ENTPD3: variants seen among roughly 807,000 people sequenced by gnomAD.
ENTPD3 encodes the protein CD39 antigen-like 3.
ENTPD3 carries 60 observed loss-of-function variants against 51.2 expected under a neutral mutation model. The observed-to-expected ratio is 1.17, with a 90% CI of 0.95 to 1.45. The LOEUF is 1.45. Ranked by LOEUF, ENTPD3 falls within the 40% of genes most tolerant of loss-of-function variation. The pLI is 0.00. For synonymous variants in ENTPD3, 221 were observed against 238.4 expected, an observed-to-expected ratio of 0.93 and a Z score of 0.67; for missense variants, 593 against 641.1, an observed-to-expected ratio of 0.93 and a Z score of 0.81.
At chr3:40,419,683 T>A (rs1026636846) in intron 7 of ENTPD3, among the ~76,000 whole-genome samples, 2 of 152,226 alleles carry the variant, frequency 1.3e-5, no homozygotes, top group African/African-American at 4.8e-5. Context: ...TATCCTTCAA[T>A]AAAATGTATA....
intron 3 of ENTPD3, chr3:40,392,353 T>C: frequency 1.7e-6 from 1 of 594,874 alleles, no homozygotes; most frequent in Admixed American, 3.1e-5. Flanking sequence ...TTGAGGGTAG[T>C]GACTGACACC....
At chr3:40,402,734 T>A (rs929350866) in intron 4 of ENTPD3, among the ~76,000 whole-genome samples, 2 of 152,172 alleles carry the variant, frequency 1.3e-5, no homozygotes, top group Non-Finnish European at 2.9e-5. Flanking sequence ...AATACAACCA[T>A]CAATATTCCT....
Position 40,427,577 on chromosome 3 carries a change from G to A in ENTPD3, c.*69G>A. ...GCCTGGGTGGCACCAGGCAATGCAG[G>A]TGAAGTGGCTGCCTTCAGGAAATAC... On this transcript the variant is annotated 3_prime_UTR_variant, in exon 11 of 11. Coordinates refer to ENST00000301825, the MANE Select transcript of ENTPD3 (RefSeq NM_001248.4). The A allele has an allele frequency of 8.5e-7, 1 of 1,172,076 alleles. No homozygotes were observed. Among genetic ancestry groups the A allele is most frequent in the African/African-American group, 1.5e-5 (1 of 66,304 alleles). The allele number at this position is 1,172,076 out of a possible 1,614,324, so 72.6% of individuals were successfully genotyped here.
intron 7 of ENTPD3, among the ~76,000 whole-genome samples, chr3:40,422,577 A>G (rs1054166965): frequency 7.6e-6 from 1 of 132,286 alleles, no homozygotes; most frequent in Admixed American, 9.9e-5. Context: ...CTCATTGTTC[A>G]ATTCCCATCT....
At chr3:40,426,107 CTTTTT>C (rs35267876) in intron 10 of ENTPD3, among the ~76,000 whole-genome samples, 1 of 112,450 alleles carries the variant, frequency 8.9e-6, no homozygotes, top group Non-Finnish European at 1.8e-5. Flanking sequence ...TTTTTCTTTT[CTTTTT>C]TTTTTTTTTT....
At chr3:40,406,881 T>C (rs990952517) in intron 4 of ENTPD3, among the ~76,000 whole-genome samples, 6 of 152,158 alleles carry the variant, frequency 3.9e-5, no homozygotes, top group African/African-American at 1.4e-4. Flanking sequence ...AAGAATTATC[T>C]ACCCCAAAAT....
chr3:40,415,962 C>T lies in ENTPD3; in HGVS notation c.720C>T (p.Ser240=), dbSNP rs773650580. 10 of 1,613,990 alleles carry T rather than the reference C, an allele frequency of 6.2e-6. No homozygotes were observed. In the South Asian group the frequency reaches 8.8e-5, roughly 14 times the overall value. Residue 240 remains serine (S), a synonymous_variant, in exon 7 of 11, where the codon AGC becomes AGT. Coordinates refer to ENST00000301825, the MANE Select transcript of ENTPD3 (RefSeq NM_001248.4). ...GAGAGAAGATGGATCTGAACACCAG[C>T]GACATCATGCAGGTGTCCCTGTATG... ...VAGEKMDLNT[S]DIMQVSLYGY...
intron 2 of ENTPD3, among the ~76,000 whole-genome samples, chr3:40,389,331 G>GT (rs1173175924): frequency 6.6e-6 from 1 of 151,510 alleles, no homozygotes; most frequent in African/African-American, 2.5e-5. Flanking sequence ...ACTGGTTCCT[G>GT]TACTTTTATT....
intron 7 of ENTPD3, among the ~76,000 whole-genome samples, chr3:40,421,333 G>T (rs1358841977): frequency 2.6e-5 from 4 of 152,088 alleles, no homozygotes; most frequent in African/African-American, 9.7e-5. Flanking sequence ...CAAAAGAAAA[G>T]ATTTTACTGT....
chr3:40,425,777 ACTCC>A (rs2125613744), intron 10 of ENTPD3, among the ~76,000 whole-genome samples: 1 of 151,426 alleles, frequency 6.6e-6, no homozygotes, highest in South Asian at 2.1e-4. Context: ...ATGTGCCTGT[ACTCC>A]CAGCCACTCA....
Position 40,427,586 on chromosome 3 carries a change from C to A in ENTPD3, c.*78C>A, listed in dbSNP as rs1486832364. 1 of 1,091,302 alleles carries A rather than the reference C, an allele frequency of 9.2e-7. No homozygotes were observed. The highest frequency in any genetic ancestry group is 1.4e-6 in the Non-Finnish European group (1 of 718,296). The allele number at this position is 1,091,302 out of a possible 1,614,324, so 67.6% of individuals were successfully genotyped here. On this transcript the variant is annotated 3_prime_UTR_variant, in exon 11 of 11. Transcript: ENST00000301825. ...GCACCAGGCAATGCAGGTGAAGTGG[C>A]TGCCTTCAGGAAATACAACTAACTA...
At chr3:40,414,655 A>G (rs1164290248) in intron 5 of ENTPD3, 26 bp from the exon 6 acceptor site, 1 of 1,612,422 alleles carries the variant, frequency 6.2e-7, no homozygotes, top group East Asian at 2.2e-5. Flanking sequence ...GGGCACTCAG[A>G]CTTGTTTGTT....
chr3:40,410,759 TAATA>T (rs1955608326), intron 4 of ENTPD3, among the ~76,000 whole-genome samples: 1 of 151,668 alleles, frequency 6.6e-6, no homozygotes, highest in South Asian at 2.1e-4. Context: ...GTAAAATTTT[TAATA>T]ATTAGGAGAA....
chr3:40,423,436 C>CA (rs767032520), intron 9 of ENTPD3, 35 bp downstream of exon 9: 10 of 1,390,148 alleles, frequency 7.2e-6, no homozygotes, highest in Non-Finnish European at 7.1e-6. Flanking sequence ...AATGTCAGTA[C>CA]AAAAAAATAT....
At chr3:40,388,166 C>T in intron 2 of ENTPD3, 69 bp downstream of exon 2, 1 of 1,433,612 alleles carries the variant, frequency 7.0e-7, no homozygotes, top group Non-Finnish European at 9.8e-7. Flanking sequence ...CTTCGGCCTA[C>T]AGTTTTTCAT....
At chr3:40,425,805 G>A (rs1265814058) in intron 10 of ENTPD3, among the ~76,000 whole-genome samples, 2 of 151,424 alleles carry the variant, frequency 1.3e-5, no homozygotes, top group Non-Finnish European at 2.9e-5. Flanking sequence ...GGCTGAGGCA[G>A]GAGAATTGCT....
At chr3:40,402,078 T>G (rs1186009899) in intron 4 of ENTPD3, among the ~76,000 whole-genome samples, 1 of 151,454 alleles carries the variant, frequency 6.6e-6, no homozygotes, top group African/African-American at 2.4e-5. Flanking sequence ...TCATCTGCAC[T>G]GATATGAGTA....
chr3:40,392,666 A>G (rs1441805469), intron 3 of ENTPD3: 3 of 152,996 alleles, frequency 2.0e-5, no homozygotes, highest in Admixed American at 2.0e-4. Context: ...ATAATGAGTA[A>G]AGACCGAGGC....
At chr3:40,411,700 C>A in intron 4 of ENTPD3, 112 bp from the exon 5 acceptor site, 1 of 1,124,330 alleles carries the variant, frequency 8.9e-7, no homozygotes, top group Non-Finnish European at 1.2e-6. Flanking sequence ...CTGTTTTCGA[C>A]CCCCTACCAA....
Sources: gnomAD v4.1 joint callset for allele counts (sites outside exome capture counted in the v4.1 genomes callset) on GRCh38, gnomAD v4.1.1 for gene constraint, MANE v1.5 for transcripts, NCBI Gene and HGNC (gene_info 2026-07-23, HGNC 2026-07-21) for gene names.